CHL1: variants seen among roughly 807,000 people sequenced by gnomAD.
The protein encoded by CHL1 is neural cell adhesion molecule L1-like protein.
CHL1 carries 96 observed loss-of-function variants against 141.9 expected under a neutral mutation model. The ratio of observed to expected loss-of-function variants is 0.68; its 90% CI spans 0.57 to 0.80. The LOEUF (loss-of-function observed/expected upper bound fraction) is 0.80. Ranked by LOEUF, CHL1 falls within the 30% of genes least tolerant of loss-of-function variation. CHL1 has a pLI of 0.00. For missense variants in CHL1, 1,820 were observed against 1,457.2 expected (o/e 1.25, Z -4.05); for synonymous variants, 613 against 502.2 (o/e 1.22, Z -2.95).
At chr3:331,874 G>A (rs1386515416) in intron 5 of CHL1, among the ~76,000 whole-genome samples, 1 of 152,122 alleles carries the variant, frequency 6.6e-6, no homozygotes, top group Admixed American at 6.5e-5. Context: ...TAACCCTAGT[G>A]ATAAAAGCAT....
At chr3:388,866 A>G (rs1394629880) in intron 19 of CHL1, among the ~76,000 whole-genome samples, 5 of 152,242 alleles carry the variant, frequency 3.3e-5, no homozygotes, top group Non-Finnish European at 7.3e-5. Flanking sequence ...TCGTGGCCAT[A>G]TTATTTTTTA....
intron 16 of CHL1, 68 bp from the exon 17 acceptor site, chr3:382,111 T>C: frequency 2.3e-6 from 3 of 1,310,952 alleles, no homozygotes; most frequent in Non-Finnish European, 3.2e-6. Flanking sequence ...TAGCTGGCAA[T>C]GTGTCTGAGG....
chr3:303,116 C>T (rs1014109971), intron 2 of CHL1, among the ~76,000 whole-genome samples: 1 of 152,120 alleles, frequency 6.6e-6, no homozygotes, highest in Non-Finnish European at 1.5e-5. Flanking sequence ...TGTTTTGGTA[C>T]CAGTACCATG....
At chr3:360,733 C>T (rs1349629066) in intron 12 of CHL1, among the ~76,000 whole-genome samples, 9 of 116,288 alleles carry the variant, frequency 7.7e-5, no homozygotes, top group East Asian at 3.0e-4. Context: ...GATGCTATCC[C>T]GCCCCCCCTC....
intron 2 of CHL1, among the ~76,000 whole-genome samples, chr3:273,925 A>G (rs897770406): frequency 6.6e-6 from 1 of 152,214 alleles, no homozygotes; most frequent in Non-Finnish European, 1.5e-5. Context: ...AATTCTGCCT[A>G]AAATGTGTTG....
At chr3:326,331 A>G (rs1165875834) in intron 4 of CHL1, among the ~76,000 whole-genome samples, 3 of 152,068 alleles carry the variant, frequency 2.0e-5, no homozygotes, top group African/African-American at 7.2e-5. Flanking sequence ...ATACTCCACA[A>G]TCCCTTAGTC....
intron 20 of CHL1, among the ~76,000 whole-genome samples, chr3:390,277 A>G (rs1479249936): frequency 6.6e-6 from 1 of 152,254 alleles, no homozygotes; most frequent in African/African-American, 2.4e-5. Context: ...TCCTCTTCAC[A>G]GGGTTGTATG....
intron 27 of CHL1, among the ~76,000 whole-genome samples, chr3:404,418 T>G (rs1445694957): frequency 6.6e-6 from 1 of 152,186 alleles, no homozygotes; most frequent in East Asian, 1.9e-4. Context: ...ATAAAATCAT[T>G]TTATATGGTG....
At chr3:213,191 C>T (rs1409055251) in intron 1 of CHL1, 1 of 152,144 alleles carries the variant, frequency 6.6e-6, no homozygotes, top group African/African-American at 2.4e-5. Flanking sequence ...TTGAGACTTT[C>T]AACTTTTTAT....
At chr3:369,305 G>A (rs1705320019) in intron 15 of CHL1, among the ~76,000 whole-genome samples, 1 of 151,706 alleles carries the variant, frequency 6.6e-6, no homozygotes, top group Admixed American at 6.6e-5. Flanking sequence ...TCCTTGAAGA[G>A]GTCCTTTGCA....
chr3:360,525 G>C, intron 12 of CHL1, 101 bp downstream of exon 12: 2 of 1,178,174 alleles, frequency 1.7e-6, no homozygotes, highest in Non-Finnish European at 2.4e-6. Context: ...AATATATGGA[G>C]GGAAAAATCA....
At chr3:304,185 A>C (rs1361708446) in intron 2 of CHL1, among the ~76,000 whole-genome samples, 1 of 152,112 alleles carries the variant, frequency 6.6e-6, no homozygotes, top group Non-Finnish European at 1.5e-5. Context: ...CATCAGGGAT[A>C]TTGGCCTGAA....
At chr3:384,078 T>A (rs1354886180) in intron 19 of CHL1, among the ~76,000 whole-genome samples, 192 bp downstream of exon 19, 6 of 152,214 alleles carry the variant, frequency 3.9e-5, no homozygotes, top group Admixed American at 1.3e-4. Context: ...AAATCGAGTT[T>A]AACACTGGTC....
chr3:284,365 G>C (rs1221163595), intron 2 of CHL1, among the ~76,000 whole-genome samples: 1 of 152,134 alleles, frequency 6.6e-6, no homozygotes, highest in Non-Finnish European at 1.5e-5. Context: ...GTTTATGCTA[G>C]GAGTGCAAAA....
intron 2 of CHL1, among the ~76,000 whole-genome samples, chr3:293,624 G>A (rs899396261): frequency 6.6e-6 from 1 of 152,100 alleles, no homozygotes; most frequent in African/African-American, 2.4e-5. Flanking sequence ...CAAAGACCCA[G>A]CGTCATACGT....
At chr3:370,458 T>G (rs922290062) in intron 15 of CHL1, among the ~76,000 whole-genome samples, 2 of 152,128 alleles carry the variant, frequency 1.3e-5, no homozygotes, top group Non-Finnish European at 2.9e-5. Flanking sequence ...TTTATCATTT[T>G]TTATTGTGTC....
chr3:394,545 A>G, intron 23 of CHL1, 148 bp from the exon 24 acceptor site: 1 of 618,066 alleles, frequency 1.6e-6, no homozygotes, highest in Non-Finnish European at 2.8e-6. Flanking sequence ...TAGTAGTTGT[A>G]TGTACCTCAT....
At chr3:337,442 G>A (rs1260014193) in intron 5 of CHL1, among the ~76,000 whole-genome samples, 2 of 151,876 alleles carry the variant, frequency 1.3e-5, no homozygotes, top group Non-Finnish European at 2.9e-5. Flanking sequence ...ATGTATACGT[G>A]TGCCATGCTG....
At chr3:347,821 T>G (rs1702893145) in intron 9 of CHL1, among the ~76,000 whole-genome samples, 1 of 152,206 alleles carries the variant, frequency 6.6e-6, no homozygotes, top group African/African-American at 2.4e-5. Context: ...CATTACCATT[T>G]CCTACACAAG....
Sources: allele counts gnomAD v4.1 joint callset (sites outside exome capture counted in the v4.1 genomes callset), GRCh38; gene constraint gnomAD v4.1.1; transcripts MANE v1.5; gene names NCBI Gene and HGNC (gene_info 2026-07-23, HGNC 2026-07-21).